Variants in PTPRT observed in about 807,000 individuals in gnomAD.
The protein encoded by PTPRT is receptor-type tyrosine-protein phosphatase T.
A neutral mutation model predicts 176.8 loss-of-function variants in PTPRT; 56 were observed. The observed-to-expected ratio is 0.32, with a 90% CI of 0.26 to 0.40. The LOEUF is 0.40. PTPRT is among the 10% of genes least tolerant of loss of function. PTPRT has a pLI of 1.00. For synonymous variants in PTPRT, 783 were observed against 739.0 expected (o/e 1.06, Z -0.96); for missense variants, 1,540 against 1,908.2 (o/e 0.81, Z 3.60).
intron 9 of PTPRT, among the ~76,000 whole-genome samples, chr20:42,428,285 T>C (rs373477522): frequency 1.3e-5 from 2 of 152,172 alleles, no homozygotes; most frequent in Non-Finnish European, 2.9e-5. Context: ...CCCATCAACA[T>C]TGAGGTTATA....
intron 7 of PTPRT, among the ~76,000 whole-genome samples, chr20:42,596,019 T>C (rs2073664593): frequency 6.6e-6 from 1 of 152,130 alleles, no homozygotes; most frequent in Admixed American, 6.5e-5. Context: ...TCTTTATCCC[T>C]TAGTAGGAAG....
At chr20:42,225,624 C>T (rs1420895536) in intron 15 of PTPRT, among the ~76,000 whole-genome samples, 3 of 151,972 alleles carry the variant, frequency 2.0e-5, no homozygotes, top group Non-Finnish European at 4.4e-5. Context: ...GTTATGAGGC[C>T]GAGGAGAAAA....
chr20:43,113,478 C>G (rs1007686182), intron 1 of PTPRT, among the ~76,000 whole-genome samples: 1 of 152,086 alleles, frequency 6.6e-6, no homozygotes, highest in African/African-American at 2.4e-5. Context: ...TTTATTAGAT[C>G]CTCTACTCTT....
At chr20:42,959,832 G>T (rs138924927) in intron 1 of PTPRT, among the ~76,000 whole-genome samples, 6 of 152,126 alleles carry the variant, frequency 3.9e-5, no homozygotes, top group Non-Finnish European at 8.8e-5. Flanking sequence ...AAGTCCTTAG[G>T]GGGGAGTCCA....
chr20:42,139,122 T>C (rs1988509578), intron 18 of PTPRT, among the ~76,000 whole-genome samples: 2 of 152,230 alleles, frequency 1.3e-5, no homozygotes, highest in Non-Finnish European at 2.9e-5. Flanking sequence ...TTGTTTTTTT[T>C]CCATTTCCCT....
At chr20:43,054,797 G>A (rs545818828) in intron 1 of PTPRT, among the ~76,000 whole-genome samples, 1 of 152,120 alleles carries the variant, frequency 6.6e-6, no homozygotes, top group Non-Finnish European at 1.5e-5. Flanking sequence ...TCCAGTGGGG[G>A]TGGGGGGAGC....
At chr20:42,834,919 G>A (rs1315084401) in intron 2 of PTPRT, among the ~76,000 whole-genome samples, 1 of 152,130 alleles carries the variant, frequency 6.6e-6, no homozygotes, top group Non-Finnish European at 1.5e-5. Flanking sequence ...TCAATCAAAT[G>A]TAAGGATAAC....
At chr20:43,019,035 GA>G in intron 1 of PTPRT, among the ~76,000 whole-genome samples, 1 of 152,066 alleles carries the variant, frequency 6.6e-6, no homozygotes, top group Non-Finnish European at 1.5e-5. Flanking sequence ...AACATTGTTT[GA>G]AAAAAAGCAA....
At chr20:42,806,003 A>AT (rs3092354) in intron 2 of PTPRT, among the ~76,000 whole-genome samples, 36,720 of 140,596 alleles carry the variant, frequency 0.26, 5,355 homozygotes, top group East Asian at 0.49. Flanking sequence ...TATAGGGAAG[A>AT]TTTTTTTTTT....
intron 12 of PTPRT, among the ~76,000 whole-genome samples, chr20:42,283,730 T>C (rs1334764702): frequency 6.6e-6 from 1 of 152,130 alleles, no homozygotes; most frequent in Non-Finnish European, 1.5e-5. Context: ...CTTTCACTTC[T>C]ATGCGTGCTT....
At chr20:42,219,485 A>G (rs1472883162) in intron 15 of PTPRT, among the ~76,000 whole-genome samples, 2 of 152,146 alleles carry the variant, frequency 1.3e-5, no homozygotes, top group African/African-American at 4.8e-5. Context: ...GAGGCTCACC[A>G]CTTCCCTTTC....
intron 13 of PTPRT, 145 bp downstream of exon 13, chr20:42,282,344 T>C: frequency 1.3e-6 from 1 of 752,158 alleles, no homozygotes. Flanking sequence ...CTAGAATGTA[T>C]GTTCTAGATG....
intron 9 of PTPRT, among the ~76,000 whole-genome samples, chr20:42,372,474 G>C (rs992001625): frequency 6.6e-6 from 1 of 151,884 alleles, no homozygotes; most frequent in African/African-American, 2.4e-5. Flanking sequence ...CAGTAGAGAT[G>C]CAGTTTCACC....
chr20:42,767,251 C>G (rs1186111989), intron 5 of PTPRT, among the ~76,000 whole-genome samples: 4 of 152,144 alleles, frequency 2.6e-5, no homozygotes, highest in Non-Finnish European at 4.4e-5. Context: ...GTGAGGGTGT[C>G]TGGATGAGAT....
chr20:42,314,128 C>A (rs1350356310), intron 12 of PTPRT, among the ~76,000 whole-genome samples: 3 of 152,172 alleles, frequency 2.0e-5, no homozygotes, highest in Non-Finnish European at 4.4e-5. Context: ...TAACAAGGCA[C>A]ATGACAGACT....
chr20:42,941,548 CCTT>C (rs1298280209), intron 1 of PTPRT, among the ~76,000 whole-genome samples: 3 of 152,166 alleles, frequency 2.0e-5, no homozygotes, highest in East Asian at 1.9e-4. Context: ...CACAAATAGT[CCTT>C]CTTTTCATTC....
At chr20:42,063,509 C>G in the PTPRT span, 2 of 152,166 alleles carry the variant, frequency 1.3e-5, no homozygotes, top group Non-Finnish European at 2.9e-5. Flanking sequence ...TTGCACAGAC[C>G]TTGCTGGAAC....
intron 27 of PTPRT, among the ~76,000 whole-genome samples, chr20:42,093,783 G>A (rs1419956290): frequency 2.6e-5 from 4 of 152,208 alleles, no homozygotes; most frequent in South Asian, 2.1e-4. Flanking sequence ...AGATGCTGAC[G>A]CCGCTTCAAA....
intron 2 of PTPRT, among the ~76,000 whole-genome samples, chr20:42,868,161 G>C (rs1046234665): frequency 2.6e-5 from 4 of 152,188 alleles, no homozygotes; most frequent in Non-Finnish European, 5.9e-5. Flanking sequence ...CTAGATTATT[G>C]TGAACAGAGT....
Sources: gnomAD v4.1 joint callset for allele counts (sites outside exome capture counted in the v4.1 genomes callset) on GRCh38, gnomAD v4.1.1 for gene constraint, MANE v1.5 for transcripts, NCBI Gene and HGNC (gene_info 2026-07-23, HGNC 2026-07-21) for gene names.